The following TRDN variants were observed in gnomAD, a reference collection of about 807,000 sequenced individuals.
TRDN encodes triadin.
TRDN carries 161 observed loss-of-function variants against 149.7 expected under a neutral mutation model. That is an observed-to-expected ratio of 1.08 (90% CI 0.95 to 1.23). TRDN has a LOEUF of 1.23. Ranked by LOEUF, TRDN falls within the 50% of genes most tolerant of loss-of-function variation. The pLI is 0.00. For missense variants in TRDN, 896 were observed against 823.5 expected, an observed-to-expected ratio of 1.09 and a Z score of -1.08; for synonymous variants, 294 against 250.5, an observed-to-expected ratio of 1.17 and a Z score of -1.64.
intron 1 of TRDN, among the ~76,000 whole-genome samples, chr6:123,603,889 T>C (rs1784393985): frequency 6.6e-6 from 1 of 152,206 alleles, no homozygotes; most frequent in South Asian, 2.1e-4. Context: ...TCTAATAATC[T>C]ACTTTTCTCA....
At chr6:123,225,286 T>C (rs1225866510) in intron 38 of TRDN, among the ~76,000 whole-genome samples, 2 of 151,754 alleles carry the variant, frequency 1.3e-5, no homozygotes, top group African/African-American at 2.4e-5. Flanking sequence ...TTGATGGGAA[T>C]GTAAATTGGT....
chr6:123,587,982 C>T (rs1783590689), intron 1 of TRDN, among the ~76,000 whole-genome samples: 2 of 152,136 alleles, frequency 1.3e-5, no homozygotes, highest in Admixed American at 6.6e-5. Flanking sequence ...GATATGATGG[C>T]TTAGCTTGGG....
In TRDN at chr6:123,218,752, AG is replaced by A; in HGVS notation, c.2051-13del. On this transcript the variant is annotated splice_polypyrimidine_tract_variant and intron_variant, in intron 40 of 40. Coordinates refer to ENST00000334268, the MANE Select transcript of TRDN (RefSeq NM_006073.4). ...GAAACTGATGGGACCTAAGGAACAG[AG>A]CATGACAGTTTGTTAAAACATGCAG... 6.4e-7 allele frequency: 1 copy of A among 1,557,230 alleles called. No individual in the cohort carries two copies.
At chr6:123,246,977 C>T (rs1489971657) in intron 38 of TRDN, among the ~76,000 whole-genome samples, 3 of 152,088 alleles carry the variant, frequency 2.0e-5, no homozygotes, top group Non-Finnish European at 4.4e-5. Context: ...TAATCCATCA[C>T]ATAAACAGAA....
At chr6:123,234,253 C>T (rs1051280777) in intron 38 of TRDN, among the ~76,000 whole-genome samples, 1 of 151,976 alleles carries the variant, frequency 6.6e-6, no homozygotes. Flanking sequence ...CAGCATGTGA[C>T]CTCTAACAAA....
At chr6:123,358,456 G>A (rs1780771199) in intron 20 of TRDN, among the ~76,000 whole-genome samples, 1 of 151,484 alleles carries the variant, frequency 6.6e-6, no homozygotes, top group Non-Finnish European at 1.5e-5. Context: ...CCCTTTATTA[G>A]CAGTATTAGC....
chr6:123,324,465 AAAACAAAACG>A (rs968271216), intron 23 of TRDN, among the ~76,000 whole-genome samples: 1 of 152,066 alleles, frequency 6.6e-6, no homozygotes, highest in Non-Finnish European at 1.5e-5. Context: ...GAAAAAACAA[AAAACAAAACG>A]AAACAAAATA....
chr6:123,440,231 G>A (rs1309793247), intron 10 of TRDN, among the ~76,000 whole-genome samples: 2 of 152,076 alleles, frequency 1.3e-5, no homozygotes, highest in African/African-American at 4.8e-5. Flanking sequence ...ATAATCTAAT[G>A]TCTCAGGGAA....
At chr6:123,570,832 T>A in intron 2 of TRDN, 91 bp downstream of exon 2, 2 of 1,199,776 alleles carry the variant, frequency 1.7e-6, no homozygotes, top group Non-Finnish European at 2.4e-6. Flanking sequence ...CACACTAAGA[T>A]GAAACAGAAA....
intron 7 of TRDN, among the ~76,000 whole-genome samples, chr6:123,509,007 G>T (rs1186412567): frequency 6.6e-6 from 1 of 151,640 alleles, no homozygotes; most frequent in Non-Finnish European, 1.5e-5. Flanking sequence ...AAAATAAAAA[G>T]CATATACTGT....
In TRDN at chr6:123,456,329, C is replaced by A. The variant is rs920847228; in HGVS notation, c.931+8577G>T. Among the ~76,000 whole-genome samples the A allele has an allele frequency of 8.5e-5, 13 of 152,270 alleles. No homozygotes were observed. The South Asian group carries it at 2.5e-3, about 29-fold the overall frequency. On this transcript the variant is annotated intron_variant, in intron 10 of 40. Coordinates refer to ENST00000334268, the MANE Select transcript of TRDN (RefSeq NM_006073.4). ...GAGTTCAGGCTTATTTGAACTGATG[C>A]ACTACATGAGAGATTTTACCGTCTC...
chr6:123,292,676 T>G lies in TRDN; in HGVS notation c.1511-13594A>C, dbSNP rs371978224. Reference sequence around the variant, plus strand: ...ATCAGGTGTCATTGAGTACCCCCTCTGCTGTTAAACTTCAGGGAATACCTA... The same window carrying G: ...ATCAGGTGTCATTGAGTACCCCCTCGGCTGTTAAACTTCAGGGAATACCTA... On this transcript the variant is annotated intron_variant, in intron 24 of 40. Transcript: ENST00000334268. Among the ~76,000 whole-genome samples the G allele has an allele frequency of 2.6e-5, 4 of 152,292 alleles. No homozygotes were observed. In the East Asian group the frequency reaches 7.7e-4, roughly 29 times the overall value.
At chr6:123,416,626 G>A (rs112212845) in intron 12 of TRDN, among the ~76,000 whole-genome samples, 11 of 151,722 alleles carry the variant, frequency 7.3e-5, no homozygotes, top group African/African-American at 2.2e-4. Context: ...TTTATGATTT[G>A]TCTCCTTCAC....
intron 2 of TRDN, among the ~76,000 whole-genome samples, chr6:123,553,078 C>A (rs1781477329): frequency 6.6e-6 from 1 of 152,110 alleles, no homozygotes; most frequent in African/African-American, 2.4e-5. Flanking sequence ...TGGTACGATG[C>A]CTGCTAATTA....
intron 10 of TRDN, among the ~76,000 whole-genome samples, chr6:123,439,381 A>G (rs117046447): frequency 0.013 from 2,031 of 152,368 alleles, 21 homozygotes; most frequent in Middle Eastern, 0.041. Context: ...CAGATAAACT[A>G]GAAGAATTAA....
intron 1 of TRDN, among the ~76,000 whole-genome samples, chr6:123,581,571 G>A (rs1394691719): frequency 3.3e-5 from 5 of 152,176 alleles, no homozygotes; most frequent in Non-Finnish European, 7.3e-5. Context: ...AGAAGGTTAT[G>A]CGGTATATAG....
At chr6:123,565,251 A>G (rs891546102) in intron 2 of TRDN, among the ~76,000 whole-genome samples, 4 of 152,136 alleles carry the variant, frequency 2.6e-5, no homozygotes, top group African/African-American at 9.7e-5. Flanking sequence ...TGAAGGGAAG[A>G]TCTCCGGCAG....
intron 26 of TRDN, among the ~76,000 whole-genome samples, chr6:123,277,850 T>TACA (rs1777429063): frequency 6.6e-6 from 1 of 152,176 alleles, no homozygotes; most frequent in Non-Finnish European, 1.5e-5. Context: ...ACAGTAGCCC[T>TACA]ACAACAATAA....
chr6:123,274,802 G>A, intron 26 of TRDN, 132 bp from the exon 27 acceptor site: 1 of 822,304 alleles, frequency 1.2e-6, no homozygotes, highest in South Asian at 1.7e-5. Context: ...GAACCCAGGA[G>A]GCAGAGGTTT....
Sources: allele counts gnomAD v4.1 joint callset (sites outside exome capture counted in the v4.1 genomes callset), GRCh38; gene constraint gnomAD v4.1.1; transcripts MANE v1.5; gene names NCBI Gene and HGNC (gene_info 2026-07-23, HGNC 2026-07-21).